The following MNAT1 variants were observed in gnomAD, a reference collection of about 807,000 sequenced individuals.
MNAT1 encodes the protein MNAT1 component of CDK activating kinase.
Under a neutral mutation model 42.0 loss-of-function variants are expected in MNAT1, and 43 were observed. That is an observed-to-expected ratio of 1.02 (90% CI 0.80 to 1.32). The LOEUF (loss-of-function observed/expected upper bound fraction) is 1.32. Among genes scored for constraint, MNAT1 ranks in the 40% most tolerant of loss-of-function variants. MNAT1 has a pLI of 0.00. For synonymous variants in MNAT1, 118 were observed against 120.0 expected, an observed-to-expected ratio of 0.98 and a Z score of 0.11; for missense variants, 306 against 350.4, an observed-to-expected ratio of 0.87 and a Z score of 1.01.
chr14:60,908,373 A>G (rs182942766), intron 7 of MNAT1, among the ~76,000 whole-genome samples: 32 of 151,864 alleles, frequency 2.1e-4, no homozygotes, highest in African/African-American at 7.7e-4. Context: ...TACAACGTGC[A>G]GGTTTGTTAC....
rs1896302197 is a variant in MNAT1 at position 60,736,167 on chromosome 14, G to A, written c.89+1216G>A. Among the ~76,000 whole-genome samples, 3 of 152,154 alleles carry A rather than the reference G, an allele frequency of 2.0e-5. No homozygotes were observed. The South Asian group carries it at 6.2e-4, about 32-fold the overall frequency. On this transcript the variant is annotated intron_variant, in intron 1 of 7. Transcript: ENST00000261245. ...GAAGTAAGGTAAAAGTAATCAAGAAGAATGCATGGAAAAGGGAATTCTACA... is the reference window on the plus strand; with the variant it reads ...GAAGTAAGGTAAAAGTAATCAAGAAAAATGCATGGAAAAGGGAATTCTACA...
intron 1 of MNAT1, among the ~76,000 whole-genome samples, chr14:60,793,741 A>G (rs1331839941): frequency 6.6e-6 from 1 of 152,170 alleles, no homozygotes; most frequent in Non-Finnish European, 1.5e-5. Context: ...ATGTGGCCAC[A>G]CAAACACTAA....
At chr14:60,742,485 G>T (rs1896503302) in intron 1 of MNAT1, among the ~76,000 whole-genome samples, 1 of 152,108 alleles carries the variant, frequency 6.6e-6, no homozygotes, top group Non-Finnish European at 1.5e-5. Context: ...ACAGTCAGTT[G>T]TCTTTAAGGA....
chr14:60,916,542 C>T (rs891693836), intron 7 of MNAT1, among the ~76,000 whole-genome samples: 4 of 152,186 alleles, frequency 2.6e-5, no homozygotes, highest in African/African-American at 9.7e-5. Flanking sequence ...GTGTTCCCAG[C>T]TACCCAGGAG....
At chr14:60,785,794 C>T (rs2031629495) in intron 1 of MNAT1, among the ~76,000 whole-genome samples, 1 of 152,084 alleles carries the variant, frequency 6.6e-6, no homozygotes, top group Non-Finnish European at 1.5e-5. Context: ...TGACAAGGCA[C>T]CTGGCATAGT....
chr14:60,962,669 G>A (rs1007347726), intron 7 of MNAT1, among the ~76,000 whole-genome samples: 1 of 152,168 alleles, frequency 6.6e-6, no homozygotes, highest in East Asian at 1.9e-4. Context: ...CAGTTATAAG[G>A]CAGAAAGTCT....
intron 6 of MNAT1, among the ~76,000 whole-genome samples, chr14:60,820,568 A>C (rs1467952119): frequency 1.3e-5 from 2 of 150,914 alleles, no homozygotes; most frequent in Non-Finnish European, 2.9e-5. Flanking sequence ...CTGACTATAG[A>C]ATTTGAAAAT....
chr14:60,889,102 T>G (rs2034764528), intron 7 of MNAT1, among the ~76,000 whole-genome samples: 1 of 151,756 alleles, frequency 6.6e-6, no homozygotes, highest in Non-Finnish European at 1.5e-5. Flanking sequence ...AAACTTACTT[T>G]AAAGTTCATA....
intron 1 of MNAT1, among the ~76,000 whole-genome samples, chr14:60,789,711 C>T (rs1163703361): frequency 6.6e-6 from 1 of 152,170 alleles, no homozygotes; most frequent in Non-Finnish European, 1.5e-5. Context: ...CCAGCACTAT[C>T]ACATGCACAC....
intron 6 of MNAT1, among the ~76,000 whole-genome samples, chr14:60,821,847 A>T (rs902185990): frequency 2.5e-4 from 38 of 152,272 alleles, no homozygotes; most frequent in African/African-American, 7.9e-4. Context: ...TATTCAAAAA[A>T]TTTTTTTGAA....
intron 7 of MNAT1, among the ~76,000 whole-genome samples, chr14:60,955,382 C>A (rs2036467670): frequency 6.6e-6 from 1 of 152,008 alleles, no homozygotes; most frequent in Non-Finnish European, 1.5e-5. Context: ...TAGATTCAGG[C>A]CAGGTGTGGT....
At chr14:60,786,281 A>C (rs1160569213) in intron 1 of MNAT1, among the ~76,000 whole-genome samples, 1 of 147,516 alleles carries the variant, frequency 6.8e-6, no homozygotes, top group Admixed American at 6.9e-5. Flanking sequence ...GAGCTAGAAC[A>C]ATAGTAACAG....
intron 3 of MNAT1, among the ~76,000 whole-genome samples, chr14:60,799,883 A>G (rs1594762360): frequency 6.6e-6 from 1 of 152,162 alleles, no homozygotes; most frequent in Non-Finnish European, 1.5e-5. Flanking sequence ...ACCAAAATAT[A>G]GAAGCTGTGG....
chr14:60,809,941 C>A (rs2032492730), intron 4 of MNAT1, among the ~76,000 whole-genome samples: 1 of 152,012 alleles, frequency 6.6e-6, no homozygotes, highest in East Asian at 1.9e-4. Flanking sequence ...GATATTAATT[C>A]TTCTTTAAAT....
chr14:60,755,299 A>T lies in MNAT1; in HGVS notation c.89+20348A>T, dbSNP rs147489111. The stretch of plus-strand genomic sequence containing the variant: ...GCTGGGACTGCAGGCACGTGCCACC[A>T]CACCTGGCTACTTTTTGTATTTTTA... On this transcript the variant is annotated intron_variant, in intron 1 of 7. Transcript: ENST00000261245. Among the ~76,000 whole-genome samples the T allele has an allele frequency of 7.1e-3, 1,084 of 152,162 alleles. 15 individuals carry two copies. The highest frequency in any genetic ancestry group is 7.5e-3 in the Non-Finnish European group (512 of 68,012).
At chr14:60,830,971 G>A (rs972905573) in intron 6 of MNAT1, among the ~76,000 whole-genome samples, 3 of 151,904 alleles carry the variant, frequency 2.0e-5, no homozygotes, top group Non-Finnish European at 2.9e-5. Flanking sequence ...TGTCAGTGCC[G>A]TGCCTCCTGT....
intron 7 of MNAT1, among the ~76,000 whole-genome samples, chr14:60,930,253 C>G (rs1038668570): frequency 1.1e-5 from 1 of 91,428 alleles, no homozygotes; most frequent in African/African-American, 3.9e-5. Context: ...TTATTTGAGT[C>G]TATTTCCTTC....
intron 3 of MNAT1, among the ~76,000 whole-genome samples, chr14:60,799,555 T>C (rs1046382578): frequency 3.3e-5 from 5 of 152,070 alleles, no homozygotes; most frequent in African/African-American, 7.2e-5. Flanking sequence ...CAGTACAAGT[T>C]GAATACATGG....
intron 6 of MNAT1, among the ~76,000 whole-genome samples, chr14:60,834,774 A>G (rs2033330075): frequency 6.6e-6 from 1 of 152,126 alleles, no homozygotes. Context: ...GTCTCCCACT[A>G]TTGGGAGGGA....
Sources: gnomAD v4.1 joint callset for allele counts (sites outside exome capture counted in the v4.1 genomes callset) on GRCh38, gnomAD v4.1.1 for gene constraint, MANE v1.5 for transcripts, NCBI Gene and HGNC (gene_info 2026-07-23, HGNC 2026-07-21) for gene names.